WWOX: variants seen among roughly 807,000 people sequenced by gnomAD.
The protein encoded by WWOX is WW domain-containing oxidoreductase.
In WWOX, 69 loss-of-function variants were observed where a neutral mutation model predicts 46.2. That is an observed-to-expected ratio of 1.49 (90% CI 1.23 to 1.82). The LOEUF (loss-of-function observed/expected upper bound fraction) is 1.82. Among genes scored for constraint, WWOX ranks in the 40% most tolerant of loss-of-function variants. The probability of loss-of-function intolerance (pLI) is 0.00; values close to 1 mark genes in which losing one functional copy is unlikely to be tolerated. For synonymous variants in WWOX, 359 were observed against 202.6 expected (o/e 1.77, Z -6.56); for missense variants, 919 against 542.6 (o/e 1.69, Z -6.89).
At chr16:79,087,792 C>G (rs1471658728) in intron 8 of WWOX, among the ~76,000 whole-genome samples, 1 of 152,098 alleles carries the variant, frequency 6.6e-6, no homozygotes, top group East Asian at 1.9e-4. Flanking sequence ...CTCTTGGTTG[C>G]GAGGAAATCA....
intron 4 of WWOX, among the ~76,000 whole-genome samples, chr16:78,153,471 G>C (rs2034488405): frequency 6.6e-6 from 1 of 152,092 alleles, no homozygotes; most frequent in Non-Finnish European, 1.5e-5. Context: ...TCTAACCCAA[G>C]CTGAAAGACA....
At chr16:78,999,608 G>A (rs949722119) in intron 8 of WWOX, among the ~76,000 whole-genome samples, 2 of 152,128 alleles carry the variant, frequency 1.3e-5, no homozygotes, top group African/African-American at 4.8e-5. Flanking sequence ...AGAAATTTTA[G>A]GAATACTTTA....
intron 4 of WWOX, among the ~76,000 whole-genome samples, chr16:78,148,514 ATT>A (rs71384366): frequency 6.7e-6 from 1 of 148,354 alleles, no homozygotes; most frequent in African/African-American, 2.5e-5. Context: ...GCTCCATTAC[ATT>A]TTTTTTTTTA....
chr16:78,974,003 G>A (rs1180447817), intron 8 of WWOX, among the ~76,000 whole-genome samples: 1 of 152,108 alleles, frequency 6.6e-6, no homozygotes, highest in African/African-American at 2.4e-5. Context: ...CTTTTCCCTA[G>A]CACAAAACTC....
At chr16:78,902,822 T>A (rs1318239167) in intron 8 of WWOX, among the ~76,000 whole-genome samples, 3 of 152,186 alleles carry the variant, frequency 2.0e-5, no homozygotes, top group Non-Finnish European at 2.9e-5. Context: ...TTAGCCTTAG[T>A]GGGCCTGGTT....
At chr16:78,918,483 G>C (rs566733139) in intron 8 of WWOX, among the ~76,000 whole-genome samples, 3 of 152,108 alleles carry the variant, frequency 2.0e-5, no homozygotes, top group African/African-American at 7.2e-5. Context: ...CAGGACCCAC[G>C]TCTTTTGTCT....
chr16:78,739,354 G>T (rs2049162722), intron 8 of WWOX, among the ~76,000 whole-genome samples: 2 of 152,160 alleles, frequency 1.3e-5, no homozygotes, highest in Admixed American at 1.3e-4. Flanking sequence ...AGGGCATTAG[G>T]ATCATGTTTA....
intron 6 of WWOX, among the ~76,000 whole-genome samples, chr16:78,418,508 G>A (rs551838381): frequency 6.6e-6 from 1 of 152,142 alleles, no homozygotes; most frequent in African/African-American, 2.4e-5. Flanking sequence ...ACAAGAAAAG[G>A]AAACTTTAGG....
intron 5 of WWOX, among the ~76,000 whole-genome samples, chr16:78,369,395 T>G (rs953777309): frequency 6.6e-6 from 1 of 152,166 alleles, no homozygotes; most frequent in Non-Finnish European, 1.5e-5. Context: ...CTTTCTTGAC[T>G]AAGTTAGTGG....
chr16:78,696,097 G>T (rs1292284184), intron 8 of WWOX, among the ~76,000 whole-genome samples: 1 of 152,218 alleles, frequency 6.6e-6, no homozygotes, highest in African/African-American at 2.4e-5. Context: ...GATGTAGCAG[G>T]AGAAGCAGGA....
At chr16:78,646,770 T>C (rs1253662947) in intron 8 of WWOX, among the ~76,000 whole-genome samples, 1 of 152,188 alleles carries the variant, frequency 6.6e-6, no homozygotes, top group Non-Finnish European at 1.5e-5. Context: ...TGCCTCCTTC[T>C]AGAACTAGAA....
chr16:79,124,155 G>A (rs1003473199), intron 8 of WWOX, among the ~76,000 whole-genome samples: 1 of 152,082 alleles, frequency 6.6e-6, no homozygotes, highest in Non-Finnish European at 1.5e-5. Flanking sequence ...TGCCCCAGAG[G>A]GTGAAGCTTC....
intron 8 of WWOX, among the ~76,000 whole-genome samples, chr16:78,992,667 C>T (rs1385028890): frequency 6.6e-6 from 1 of 152,116 alleles, no homozygotes; most frequent in African/African-American, 2.4e-5. Context: ...AGTTGGCCCA[C>T]AGAAGCCTCA....
chr16:78,108,753 C>T (rs2032311616), intron 2 of WWOX, among the ~76,000 whole-genome samples: 2 of 152,230 alleles, frequency 1.3e-5, no homozygotes, highest in East Asian at 1.9e-4. Context: ...TTCGGGAGGC[C>T]GAGGCGGATG....
intron 8 of WWOX, among the ~76,000 whole-genome samples, chr16:78,883,810 G>C (rs145290421): frequency 6.6e-6 from 1 of 151,952 alleles, no homozygotes; most frequent in Non-Finnish European, 1.5e-5. Flanking sequence ...AATAAACAGC[G>C]TGGAGGAACT....
chr16:78,454,953 G>A (rs917574388), intron 8 of WWOX, among the ~76,000 whole-genome samples: 3 of 152,238 alleles, frequency 2.0e-5, no homozygotes, highest in Non-Finnish European at 4.4e-5. Context: ...GCTCCCCTCT[G>A]ATAAATGTTC....
At chr16:78,743,013 C>T (rs1488639011) in intron 8 of WWOX, among the ~76,000 whole-genome samples, 3 of 146,852 alleles carry the variant, frequency 2.0e-5, no homozygotes, top group Non-Finnish European at 4.4e-5. Context: ...ACATACAGTC[C>T]CAACCCTTAC....
intron 8 of WWOX, among the ~76,000 whole-genome samples, chr16:78,491,803 A>T (rs906831388): frequency 6.6e-6 from 1 of 152,184 alleles, no homozygotes. Flanking sequence ...AGTCATTTTA[A>T]ATAACTATCA....
At chr16:78,147,675 C>CTTTTTT (rs33931881) in intron 4 of WWOX, among the ~76,000 whole-genome samples, 1 of 90,636 alleles carries the variant, frequency 1.1e-5, no homozygotes, top group African/African-American at 4.6e-5. Context: ...TTCTTTCTTC[C>CTTTTTT]TTTTTTTTTT....
Sources: allele counts gnomAD v4.1 joint callset (sites outside exome capture counted in the v4.1 genomes callset), GRCh38; gene constraint gnomAD v4.1.1; transcripts MANE v1.5; gene names NCBI Gene and HGNC (gene_info 2026-07-23, HGNC 2026-07-21).